DNAH5: variants seen among roughly 807,000 people sequenced by gnomAD.
DNAH5 encodes dynein axonemal heavy chain 5.
In DNAH5, 372 loss-of-function variants were observed where a neutral mutation model predicts 518.2. The ratio of observed to expected loss-of-function variants is 0.72; its 90% CI spans 0.66 to 0.78. The LOEUF is 0.78. DNAH5 is among the 30% of genes least tolerant of loss of function. The pLI is 0.00. For synonymous variants in DNAH5, 2,039 were observed against 2,025.9 expected, an observed-to-expected ratio of 1.01 and a Z score of -0.17; for missense variants, 5,523 against 5,687.0, an observed-to-expected ratio of 0.97 and a Z score of 0.93.
chr5:13,906,302 T>C (rs1775282570), intron 12 of DNAH5, among the ~76,000 whole-genome samples: 2 of 152,074 alleles, frequency 1.3e-5, no homozygotes, highest in Admixed American at 1.3e-4. Context: ...TTGTAACAAA[T>C]GTACCACCCT....
chr5:13,836,116 T>C lies in DNAH5; in HGVS notation c.5882+3240A>G, dbSNP rs114849923. Among the ~76,000 whole-genome samples the C allele has an allele frequency of 7.5e-3, 1,142 of 152,284 alleles. 15 individuals are homozygous for C. Among genetic ancestry groups the C allele is most frequent in the African/African-American group, 0.026 (1,079 of 41,532 alleles). On this transcript the variant is annotated intron_variant, in intron 35 of 78. Transcript: ENST00000265104. ...CATGGACATCTTTTGGGGGCCATTA[T>C]ACTTACTATCACACTTCCCCCCAGC... is the stretch of plus-strand genomic sequence containing the variant.
chr5:13,859,379 T>C, intron 30 of DNAH5, 73 bp downstream of exon 30: 9 of 1,515,660 alleles, frequency 5.9e-6, no homozygotes, highest in Non-Finnish European at 8.2e-6. Flanking sequence ...TATTATTGCA[T>C]TATTTAAGGG....
chr5:13,934,582 A>G (rs1311874434), intron 1 of DNAH5, among the ~76,000 whole-genome samples: 2 of 152,220 alleles, frequency 1.3e-5, no homozygotes, highest in East Asian at 3.8e-4. Context: ...ACTATAAAGG[A>G]ATAGGGTATG....
intron 32 of DNAH5, among the ~76,000 whole-genome samples, chr5:13,843,850 G>A (rs1406948936): frequency 6.6e-6 from 1 of 152,206 alleles, no homozygotes; most frequent in Non-Finnish European, 1.5e-5. Flanking sequence ...GCATTCTCAC[G>A]TTCTTTGTGC....
chr5:13,839,376 T>C lies in DNAH5; in HGVS notation c.5862A>G (p.Val1954=). 1.9e-6 allele frequency: 3 copies of C among 1,614,116 alleles called. No homozygotes were observed. The highest frequency in any genetic ancestry group is 2.5e-6 in the Non-Finnish European group (3 of 1,179,976). The change falls in exon 35 of 79, where the codon GTA becomes GTG. Residue 1954 remains valine (V), a synonymous_variant. Coordinates refer to ENST00000265104, the MANE Select transcript of DNAH5 (RefSeq NM_001369.3). ...NEFLGCTDRL[V]ITPLTDRCYI... ...ATCACCTGTCTGTAAGTGGAGTTAT[T>C]ACAAGCCTGTCAGTGCAGCCTAAAA...
chr5:13,708,496 A>C (rs1454123238), intron 75 of DNAH5, among the ~76,000 whole-genome samples, 161 bp from the exon 76 acceptor site: 1 of 152,200 alleles, frequency 6.6e-6, no homozygotes, highest in Non-Finnish European at 1.5e-5. Context: ...AAGAAAAGAA[A>C]ACAGAAAAAA....
At chr5:13,999,037 A>C (rs1687087141) in intron 1 of DNAH5, among the ~76,000 whole-genome samples, 1 of 152,054 alleles carries the variant, frequency 6.6e-6, no homozygotes, top group Non-Finnish European at 1.5e-5. Flanking sequence ...ATGCCCAGCT[A>C]ATTTTTGTAC....
rs1181350575 is a variant in DNAH5, at chr5:13,735,854, C to A, written c.11534G>T (p.Arg3845Leu). 1.2e-6 allele frequency: 2 copies of A among 1,614,076 alleles called. No individual in the cohort carries two copies. Among genetic ancestry groups the A allele is most frequent in the African/African-American group, 1.3e-5 (1 of 75,028 alleles). ...AAGGTCAAATAAGCCCAGAAACTGGCGAAGCGAAGTCTGATACATCTCATT... is the reference window on the plus strand; with the variant it reads ...AAGGTCAAATAAGCCCAGAAACTGGAGAAGCGAAGTCTGATACATCTCATT... ...LVNEMYQTSL[R>L]QFLGLFDLSL... Residue 3845 changes from arginine to leucine, a missense_variant, in exon 67 of 79, where the codon CGC (arginine) becomes CTC (leucine). Arg to Leu is a moderately radical substitution (Grantham distance 102). This residue lies in a region of DNAH5 where 5,121 missense variants were observed against 5,223.3 expected (regional missense o/e 0.98). Coordinates refer to ENST00000265104, the MANE Select transcript of DNAH5 (RefSeq NM_001369.3).
In DNAH5 at chr5:13,718,925, A is replaced by T; in HGVS notation, c.12456T>A (p.Asp4152Glu). The T allele has an allele frequency of 6.2e-7, 1 of 1,614,070 alleles. No individual in the cohort carries two copies. The highest frequency in any genetic ancestry group is 8.5e-7 in the Non-Finnish European group (1 of 1,179,976). The change falls in exon 72 of 79, where the codon GAT becomes GAA. Residue 4152 changes from aspartate to glutamate, a missense_variant. By Grantham distance (45) the Asp-to-Glu change is conservative. Coordinates refer to ENST00000265104, the MANE Select transcript of DNAH5 (RefSeq NM_001369.3). ...GTCCTGCCCGGAGTCCTTGTGGAGG[A>T]TCGTTGGCAAATTTAATGGACATCT... ...LLQMSIKFANDPPQGLRAGLK... is the reference protein window; with the variant it reads ...LLQMSIKFANEPPQGLRAGLK...
chr5:13,915,816 T>C lies in DNAH5; in HGVS notation c.1197+532A>G, dbSNP rs182931698. On this transcript the variant is annotated intron_variant, in intron 9 of 78. Coordinates refer to ENST00000265104, the MANE Select transcript of DNAH5 (RefSeq NM_001369.3). Reference sequence around the variant, plus strand: ...AGCAACAGTGCTTACCATAAACACTTACGAGTTAGGACATAAGGTTTAAGC... The same window carrying C: ...AGCAACAGTGCTTACCATAAACACTCACGAGTTAGGACATAAGGTTTAAGC... 2.7e-3 allele frequency among the ~76,000 whole-genome samples: 405 copies of C among 152,272 alleles called. 1 individual carries two copies. Among genetic ancestry groups the C allele is most frequent in the Non-Finnish European group, 4.9e-3 (331 of 67,986 alleles).
intron 30 of DNAH5, among the ~76,000 whole-genome samples, chr5:13,859,109 A>G (rs528292408): frequency 5.3e-5 from 8 of 152,268 alleles, no homozygotes; most frequent in Non-Finnish European, 8.8e-5. Context: ...TTAGCCTACC[A>G]TTGTCAAGAT....
rs1378600497 is a variant in DNAH5 at position 13,691,554 on chromosome 5, A to G, written c.*430T>C. The G allele has an allele frequency of 6.2e-6, 1 of 162,488 alleles. No homozygotes were observed. Among genetic ancestry groups the G allele is most frequent in the Admixed American group, 6.0e-5 (1 of 16,568 alleles). The allele number at this position is 162,488 out of a possible 1,614,324, so 10.1% of individuals were successfully genotyped here. A position where few individuals can be genotyped will look rare whatever the true frequency, so the allele number is the denominator to read the frequency against. On this transcript the variant is annotated 3_prime_UTR_variant, in exon 79 of 79. Transcript: ENST00000265104. The stretch of plus-strand genomic sequence containing the variant: ...AAATAAGTCTCTTAACTTGACCTAA[A>G]TACGAAAGGCAATAGAAGCAAAATC...
At chr5:13,819,151 C>T (rs1347618518) in intron 41 of DNAH5, among the ~76,000 whole-genome samples, 1 of 152,116 alleles carries the variant, frequency 6.6e-6, no homozygotes, top group African/African-American at 2.4e-5. Context: ...AAGGCAGCTT[C>T]GTCACTGCAA....
intron 34 of DNAH5, among the ~76,000 whole-genome samples, chr5:13,840,226 GACCA>G (rs1417800866): frequency 6.6e-6 from 1 of 152,142 alleles, no homozygotes; most frequent in Non-Finnish European, 1.5e-5. Context: ...ATTATATCAG[GACCA>G]ATCTTTCATA....
chr5:13,890,590 C>G (rs1773089640), intron 17 of DNAH5, among the ~76,000 whole-genome samples: 1 of 152,120 alleles, frequency 6.6e-6, no homozygotes, highest in Admixed American at 6.5e-5. Context: ...GGGAAACCCC[C>G]CCTCAACAAA....
At chr5:13,812,316 C>G (rs12657856) in intron 43 of DNAH5, among the ~76,000 whole-genome samples, 39 of 151,002 alleles carry the variant, frequency 2.6e-4, no homozygotes, top group African/African-American at 7.8e-4. Context: ...GTTTTTTTTT[C>G]TTTTTTTGAG....
rs557903715 is a variant in DNAH5, at chr5:13,692,848, C to G, written c.13724-713G>C. On this transcript the variant is annotated intron_variant, in intron 78 of 78. Transcript: ENST00000265104. ...CTCCACCCACATGCTCCCTTTCTCT[C>G]CAGCCTTGGAAACCCCATACTCAGA... Among the ~76,000 whole-genome samples, 5 of 152,316 alleles carry G rather than the reference C, an allele frequency of 3.3e-5. No homozygotes were observed. The South Asian group carries it at 1.0e-3, about 32-fold the overall frequency.
chr5:13,752,627 C>A lies in DNAH5; in HGVS notation c.10873-338G>T, dbSNP rs994890738. 7.9e-5 allele frequency among the ~76,000 whole-genome samples: 12 copies of A among 152,264 alleles called. No homozygotes were observed. The East Asian group carries it at 2.3e-3, about 29-fold the overall frequency. ...TTTCGTGTTCTGACTTGGGTCCCAT[C>A]CTCAAGTTATCTCATTATGTACATG... On this transcript the variant is annotated intron_variant, in intron 63 of 78. Transcript: ENST00000265104.
chr5:13,743,910 A>T (rs1019748819), intron 65 of DNAH5, among the ~76,000 whole-genome samples: 3 of 151,816 alleles, frequency 2.0e-5, no homozygotes, highest in African/African-American at 7.2e-5. Flanking sequence ...AGTTCCTCAA[A>T]AAAGTACACA....
Sources: allele counts gnomAD v4.1 joint callset (sites outside exome capture counted in the v4.1 genomes callset), GRCh38; gene constraint gnomAD v4.1.1; regional missense constraint gnomAD v4.1.1; transcripts MANE v1.5; gene names NCBI Gene and HGNC (gene_info 2026-07-23, HGNC 2026-07-21).